Variants in C2orf78 observed in about 807,000 individuals in gnomAD.
The protein encoded by C2orf78 is chromosome 2 open reading frame 78, also known as uncharacterized protein C2orf78.
In C2orf78, 12 loss-of-function variants were observed where a neutral mutation model predicts 21.4. The observed-to-expected ratio is 0.56, with a 90% confidence interval of 0.36 to 0.91. C2orf78 has a LOEUF of 0.91. Ranked by LOEUF, C2orf78 falls within the 40% of genes least tolerant of loss-of-function variation. The probability of loss-of-function intolerance (pLI) is 0.01; values close to 1 mark genes in which losing one functional copy is unlikely to be tolerated. For missense variants in C2orf78, 1,042 were observed against 1,092.4 expected (o/e 0.95, Z 0.65); for synonymous variants, 396 against 413.9 (o/e 0.96, Z 0.52).
chr2:73,816,439 AC>A lies in C2orf78; in HGVS notation c.2219del (p.Pro740LeufsTer2). ...GCTCGACATGTTTCTCGGCGGCCAA[AC>A]CCTCTAGCCTCACGTAGGCCTGCTG... On this transcript the variant is annotated frameshift_variant, in exon 3 of 3. Transcript: ENST00000409561. LOFTEE classifies it low-confidence loss of function (END_TRUNC). 2 of 1,613,766 alleles carry A rather than the reference AC, an allele frequency of 1.2e-6. No homozygotes were observed. The highest frequency in any genetic ancestry group is 1.7e-6 in the Non-Finnish European group (2 of 1,179,834).
In C2orf78 at chr2:73,814,376, T is replaced by C. The variant is rs1369138482; in HGVS notation, c.847+150T>C. On this transcript the variant is annotated intron_variant, in intron 2 of 2. Coordinates refer to ENST00000409561, the Ensembl canonical transcript of C2orf78. ...TTGGCAGTGCTCTCCATTTTCAGAC[T>C]CTATATAAGAACACCTTATAAGTGG... 6 of 869,780 alleles carry C rather than the reference T, an allele frequency of 6.9e-6. No homozygotes were observed. The South Asian group carries it at 1.1e-4, about 16-fold the overall frequency. The allele number at this position is 869,780 out of a possible 1,614,324, so 53.9% of individuals were successfully genotyped here.
At chr2:73,797,413 G>T (rs1573194894) in intron 1 of C2orf78, among the ~76,000 whole-genome samples, 3 of 6,088 alleles carry the variant, frequency 4.9e-4, no homozygotes, top group African/African-American at 6.2e-4. Flanking sequence ...TGTCTATTTT[G>T]TTAATACAAA....
intron 2 of C2orf78, among the ~76,000 whole-genome samples, chr2:73,814,524 CTTCCTTA>C (rs1673153735): frequency 6.6e-6 from 1 of 152,182 alleles, no homozygotes; most frequent in Admixed American, 6.5e-5. Flanking sequence ...CTGTAATGTC[CTTCCTTA>C]ATCTATTACT....
At chr2:73,808,921 A>G (rs1357451540) in intron 1 of C2orf78, 1 of 808,720 alleles carries the variant, frequency 1.2e-6, no homozygotes, top group Non-Finnish European at 1.9e-6. Context: ...GAAACTTTTT[A>G]AAAAGGTTTT....
At chr2:73,784,749 A>G (rs1672893081) in intron 1 of C2orf78, among the ~76,000 whole-genome samples, 1 of 151,520 alleles carries the variant, frequency 6.6e-6, no homozygotes, top group Non-Finnish European at 1.5e-5. Context: ...AGAAACAGAG[A>G]AAAAACCAAA....
chr2:73,808,210 C>T lies in C2orf78; in HGVS notation c.98-5267C>T, dbSNP rs536577858. 4.0e-5 allele frequency among the ~76,000 whole-genome samples: 6 copies of T among 151,074 alleles called. No homozygotes were observed. The South Asian group carries it at 8.4e-4, about 21-fold the overall frequency. On this transcript the variant is annotated intron_variant, in intron 1 of 2. Coordinates refer to ENST00000409561, the Ensembl canonical transcript of C2orf78. ...TGGTGCTTGCAGTGAGCCAAGATCACGCCACTGCACTCCAGCCTGGGTGAC... is the reference window on the plus strand; with the variant it reads ...TGGTGCTTGCAGTGAGCCAAGATCATGCCACTGCACTCCAGCCTGGGTGAC...
chr2:73,809,385 C>T (rs546554361), intron 1 of C2orf78, among the ~76,000 whole-genome samples: 1 of 152,078 alleles, frequency 6.6e-6, no homozygotes, highest in African/African-American at 2.4e-5. Flanking sequence ...CAGCCAGGCA[C>T]GGTGGCTCAC....
chr2:73,792,642 T>C (rs1672947437), intron 1 of C2orf78, among the ~76,000 whole-genome samples: 1 of 103,314 alleles, frequency 9.7e-6, no homozygotes, highest in African/African-American at 5.9e-5. Flanking sequence ...CTCTTCATTT[T>C]GCCTGGCCCT....
chr2:73,813,492 C>T (rs547657475), exon 2 of C2orf78: 27 of 1,600,834 alleles, frequency 1.7e-5, no homozygotes, highest in South Asian at 4.5e-5. Flanking sequence ...TTCCAAAATA[C>T]GTCTTTACCT....
At chr2:73,816,649 C>T (rs764499050) in exon 3 of C2orf78, 2 of 1,613,930 alleles carry the variant, frequency 1.2e-6, no homozygotes, top group Admixed American at 1.7e-5. Flanking sequence ...CAATCTGCTG[C>T]TTCTAGGCCA....
chr2:73,808,322 A>T (rs1439603706), intron 1 of C2orf78, among the ~76,000 whole-genome samples: 4 of 151,202 alleles, frequency 2.6e-5, no homozygotes, highest in Non-Finnish European at 5.9e-5. Context: ...ATAGTTTTAG[A>T]ACAACTGTAA....
chr2:73,816,860 T>C (rs1285123237), exon 3 of C2orf78: 5 of 1,613,960 alleles, frequency 3.1e-6, no homozygotes, highest in Non-Finnish European at 4.2e-6. Context: ...GGCCAGAGCG[T>C]GAGGCCATGA....
At chr2:73,809,577 G>A (rs1280505442) in intron 1 of C2orf78, among the ~76,000 whole-genome samples, 1 of 151,960 alleles carries the variant, frequency 6.6e-6, no homozygotes, top group Non-Finnish European at 1.5e-5. Context: ...TTTGGGCCTA[G>A]GAGTTCCCGG....
chr2:73,807,135 CGG>C (rs1672974665), intron 1 of C2orf78, among the ~76,000 whole-genome samples: 1 of 137,490 alleles, frequency 7.3e-6, no homozygotes. Flanking sequence ...TAGCAGAGAT[CGG>C]CCACTGCCCT....
At chr2:73,816,458 G>A (rs1347817880) in exon 3 of C2orf78, 1 of 1,613,858 alleles carries the variant, frequency 6.2e-7, no homozygotes, top group Non-Finnish European at 8.5e-7. Context: ...CCTCACGTAG[G>A]CCTGCTGTGG....
chr2:73,815,887 A>C, exon 3 of C2orf78: 1 of 1,613,692 alleles, frequency 6.2e-7, no homozygotes, highest in Non-Finnish European at 8.5e-7. Context: ...AACAAACCTC[A>C]CAAGGCTGCA....
chr2:73,810,656 C>T (rs1253306936), intron 1 of C2orf78, among the ~76,000 whole-genome samples: 2 of 117,728 alleles, frequency 1.7e-5, no homozygotes, highest in African/African-American at 6.7e-5. Flanking sequence ...ATGTATATAT[C>T]TATAATATAT....
At chr2:73,784,804 AAT>A (rs1297570240) in intron 1 of C2orf78, among the ~76,000 whole-genome samples, 7 of 151,614 alleles carry the variant, frequency 4.6e-5, no homozygotes, top group African/African-American at 1.7e-4. Context: ...TTTCATGTGT[AAT>A]AGCCTCCCTC....
exon 3 of C2orf78, chr2:73,816,068 C>A (rs1673189302): frequency 6.2e-7 from 1 of 1,613,798 alleles, no homozygotes; most frequent in East Asian, 2.2e-5. Context: ...CTGAGCTTAG[C>A]CAAAAGACCC....
Sources: allele counts gnomAD v4.1 joint callset (sites outside exome capture counted in the v4.1 genomes callset), GRCh38; gene constraint gnomAD v4.1.1; transcripts MANE v1.5; gene names NCBI Gene and HGNC (gene_info 2026-07-23, HGNC 2026-07-21).